The following KCNIP4 variants were observed in gnomAD, a reference collection of about 807,000 sequenced individuals.
KCNIP4 encodes Kv channel-interacting protein 4.
In KCNIP4, 12 loss-of-function variants were observed where a neutral mutation model predicts 34.0. The observed-to-expected ratio is 0.35, with a 90% CI of 0.23 to 0.57. KCNIP4 has a LOEUF of 0.57. Among genes scored for constraint, KCNIP4 ranks in the 20% least tolerant of loss-of-function variants. KCNIP4 has a pLI of 0.83. For missense variants in KCNIP4, 238 were observed against 311.7 expected (o/e 0.76, Z 1.78); for synonymous variants, 124 against 102.2 (o/e 1.21, Z -1.29).
At chr4:21,275,319 G>C (rs1030072571) in intron 1 of KCNIP4, among the ~76,000 whole-genome samples, 2 of 152,098 alleles carry the variant, frequency 1.3e-5, no homozygotes, top group Non-Finnish European at 2.9e-5. Context: ...CACACACCTG[G>C]GCATCAGTGT....
At chr4:20,774,064 A>C (rs1756152164) in intron 3 of KCNIP4, among the ~76,000 whole-genome samples, 1 of 152,172 alleles carries the variant, frequency 6.6e-6, no homozygotes, top group Admixed American at 6.5e-5. Flanking sequence ...GATGAAAATA[A>C]TGATACTACC....
chr4:21,837,532 C>CAAAAAAAAAAAAAAAAAAAAAAAAAA (rs60449238), intron 1 of KCNIP4, among the ~76,000 whole-genome samples: 2 of 78,540 alleles, frequency 2.5e-5, no homozygotes, highest in Non-Finnish European at 2.2e-5. Context: ...AAAACGCTGT[C>CAAAAAAAAAAAAAAAAAAAAAAAAAA]AAAAAAAAAA....
intron 1 of KCNIP4, among the ~76,000 whole-genome samples, chr4:21,666,741 CT>C (rs1748990628): frequency 6.6e-6 from 1 of 152,110 alleles, no homozygotes. Flanking sequence ...CCAAAGCTGT[CT>C]TTTATATGAA....
At chr4:20,981,291 AGC>A in intron 1 of KCNIP4, among the ~76,000 whole-genome samples, 1 of 152,220 alleles carries the variant, frequency 6.6e-6, no homozygotes, top group Non-Finnish European at 1.5e-5. Context: ...GGTCTGGCTT[AGC>A]TCATTTATAT....
rs183966594 is a variant in KCNIP4, at chr4:20,734,482, T to A, written c.537+146A>T. 3,273 of 453,798 alleles carry A rather than the reference T, an allele frequency of 7.2e-3. 18 individuals are homozygous for A. Among genetic ancestry groups the A allele is most frequent in the Non-Finnish European group, 0.01 (2,678 of 257,500 alleles). 28.1% of individuals were successfully genotyped at this position (453,798 alleles called of 1,614,324 possible). ...CCATAAACTACTTCTATCCCAAGTTTTTAATTGTACATCTTTCTTCCACTA... is the reference window on the plus strand; with the variant it reads ...CCATAAACTACTTCTATCCCAAGTTATTAATTGTACATCTTTCTTCCACTA... On this transcript the variant is annotated intron_variant, in intron 6 of 8. Coordinates refer to ENST00000382152, the MANE Select transcript of KCNIP4 (RefSeq NM_025221.6).
chr4:21,196,680 A>G (rs143276776), intron 1 of KCNIP4, among the ~76,000 whole-genome samples: 3,130 of 152,334 alleles, frequency 0.021, 50 homozygotes, highest in South Asian at 0.03. Flanking sequence ...TTATATTTTC[A>G]CTTTACCCTA....
chr4:20,764,307 T>C (rs1284509054), intron 3 of KCNIP4, among the ~76,000 whole-genome samples: 1 of 152,096 alleles, frequency 6.6e-6, no homozygotes, highest in East Asian at 1.9e-4. Flanking sequence ...AATTATAGCA[T>C]TTTATGTTCT....
intron 1 of KCNIP4, among the ~76,000 whole-genome samples, chr4:21,602,728 G>T (rs1458183298): frequency 2.0e-5 from 3 of 152,180 alleles, no homozygotes; most frequent in South Asian, 2.1e-4. Context: ...TCATCTTTTT[G>T]ATTTACGTAT....
chr4:21,122,569 G>T (rs1276123469), intron 1 of KCNIP4, among the ~76,000 whole-genome samples: 6 of 151,630 alleles, frequency 4.0e-5, no homozygotes, highest in African/African-American at 1.5e-4. Context: ...AATGGTACCT[G>T]CACTCCACAT....
At chr4:21,534,680 T>C (rs1468225575) in intron 1 of KCNIP4, among the ~76,000 whole-genome samples, 2 of 152,102 alleles carry the variant, frequency 1.3e-5, no homozygotes, top group Non-Finnish European at 1.5e-5. Flanking sequence ...AGTACTGTGT[T>C]CATGAGGGGC....
Position 21,778,224 on chromosome 4 carries a change from C to CTTTTTTTTTT in KCNIP4, c.61+170337_61+170346dup, listed in dbSNP as rs757351209. On this transcript the variant is annotated intron_variant, in intron 1 of 8. Coordinates refer to ENST00000382152, the MANE Select transcript of KCNIP4 (RefSeq NM_025221.6). ...TTATTTGTTTCTTTTTCCTTTTTTC[C>CTTTTTTTTTT]TTTTTTTTTTTCTTTTTTTTTTTTT... 4.9e-5 allele frequency among the ~76,000 whole-genome samples: 5 copies of CTTTTTTTTTT among 102,390 alleles called. 1 individual carries two copies. The highest frequency in any genetic ancestry group is 2.3e-4 in the East Asian group (1 of 4,410). The allele number at this position is 102,390 out of a possible 152,430, so 67.2% of individuals were successfully genotyped here. A position where few individuals can be genotyped will look rare whatever the true frequency, so the allele number is the denominator to read the frequency against.
chr4:21,625,147 AATG>A (rs543844539), intron 1 of KCNIP4, among the ~76,000 whole-genome samples: 1 of 151,932 alleles, frequency 6.6e-6, no homozygotes, highest in South Asian at 2.1e-4. Flanking sequence ...TGAGCACTAA[AATG>A]ATGATGATGA....
chr4:21,940,421 AC>A (rs1382937466), intron 1 of KCNIP4, among the ~76,000 whole-genome samples: 4 of 152,036 alleles, frequency 2.6e-5, no homozygotes, highest in African/African-American at 9.7e-5. Context: ...TTCATCCTTA[AC>A]TCTGTTATGA....
At position 20,779,372 on chromosome 4, in the gene KCNIP4, T is replaced by C. The variant is rs545024178; in HGVS notation, c.289-20482A>G. Among the ~76,000 whole-genome samples the C allele has an allele frequency of 9.9e-5, 15 of 152,238 alleles. No homozygotes were observed. In the South Asian group the frequency reaches 3.1e-3, roughly 32 times the overall value. On this transcript the variant is annotated intron_variant, in intron 3 of 8. Transcript: ENST00000382152. ...TTATCAAGCTGAGTGTAAAAATTGC[T>C]AATTAGTAGTGACTCTCATATCTGG...
chr4:21,907,338 C>T (rs2108976612), intron 1 of KCNIP4, among the ~76,000 whole-genome samples: 1 of 152,262 alleles, frequency 6.6e-6, no homozygotes. Context: ...GCTTGGTCTT[C>T]CGCTTTTCCA....
At chr4:21,182,168 T>C (rs1333874978) in intron 1 of KCNIP4, among the ~76,000 whole-genome samples, 1 of 152,122 alleles carries the variant, frequency 6.6e-6, no homozygotes, top group African/African-American at 2.4e-5. Flanking sequence ...CCAAGGGTAT[T>C]TGACACATTA....
intron 1 of KCNIP4, among the ~76,000 whole-genome samples, chr4:21,110,895 G>A (rs1577710916): frequency 6.6e-6 from 1 of 152,074 alleles, no homozygotes; most frequent in East Asian, 1.9e-4. Context: ...TTGTTTATAA[G>A]CCACTCAGTC....
intron 1 of KCNIP4, among the ~76,000 whole-genome samples, chr4:20,891,299 T>A (rs533925570): frequency 1.3e-5 from 2 of 152,232 alleles, no homozygotes; most frequent in East Asian, 3.9e-4. Context: ...TGTCTTCCCA[T>A]GAATCAATAA....
intron 1 of KCNIP4, among the ~76,000 whole-genome samples, chr4:21,366,040 TCATA>T (rs1368411050): frequency 6.6e-6 from 1 of 152,190 alleles, no homozygotes; most frequent in East Asian, 1.9e-4. Flanking sequence ...GATGATCCTA[TCATA>T]GATAGTGTTT....
Sources: allele counts gnomAD v4.1 joint callset (sites outside exome capture counted in the v4.1 genomes callset), GRCh38; gene constraint gnomAD v4.1.1; transcripts MANE v1.5; gene names NCBI Gene and HGNC (gene_info 2026-07-23, HGNC 2026-07-21).